The following TACC2 variants were observed in gnomAD, a reference collection of about 807,000 sequenced individuals.
The protein encoded by TACC2 is transforming acidic coiled-coil-containing protein 2.
In TACC2, 137 loss-of-function variants were observed where a neutral mutation model predicts 227.3. The ratio of observed to expected loss-of-function variants is 0.60; its 90% CI spans 0.52 to 0.69. The LOEUF (loss-of-function observed/expected upper bound fraction) is 0.69. TACC2 is among the 30% of genes least tolerant of loss of function. The pLI is 0.00. For missense variants in TACC2, 3,470 were observed against 3,694.4 expected (o/e 0.94, Z 1.57); for synonymous variants, 1,523 against 1,487.5 (o/e 1.02, Z -0.55).
intron 3 of TACC2, among the ~76,000 whole-genome samples, chr10:122,068,958 A>G (rs921310829): frequency 7.1e-6 from 1 of 140,640 alleles, no homozygotes; most frequent in Non-Finnish European, 1.5e-5. Flanking sequence ...TCAGCCTCCC[A>G]AAGTGCTGGC....
At chr10:122,226,677 G>A (rs971643668) in intron 13 of TACC2, among the ~76,000 whole-genome samples, 196 bp downstream of exon 13, 1 of 151,834 alleles carries the variant, frequency 6.6e-6, no homozygotes, top group Non-Finnish European at 1.5e-5. Context: ...GGGCTCAAGG[G>A]CTCCTCTCAC....
chr10:122,226,030 GC>G (rs2095621342), intron 12 of TACC2, among the ~76,000 whole-genome samples: 1 of 152,172 alleles, frequency 6.6e-6, no homozygotes, highest in African/African-American at 2.4e-5. Flanking sequence ...CTGTTTATCT[GC>G]AGTGGCCAGC....
At chr10:122,124,688 C>T (rs974554179) in intron 5 of TACC2, among the ~76,000 whole-genome samples, 1 of 152,134 alleles carries the variant, frequency 6.6e-6, no homozygotes, top group Non-Finnish European at 1.5e-5. Flanking sequence ...CACGCCTTTG[C>T]CCAAGAAGTT....
intron 5 of TACC2, among the ~76,000 whole-genome samples, chr10:122,116,424 A>G (rs1295451372): frequency 6.6e-6 from 1 of 152,214 alleles, no homozygotes; most frequent in Non-Finnish European, 1.5e-5. Flanking sequence ...AGTATTGAGA[A>G]AGCCCAGAAT....
intron 5 of TACC2, among the ~76,000 whole-genome samples, chr10:122,105,719 C>T (rs1296685345): frequency 1.3e-5 from 2 of 151,298 alleles, no homozygotes; most frequent in African/African-American, 2.4e-5. Context: ...TTCCCGGGTT[C>T]GAGCGATTTT....
rs1178929348 is a variant in TACC2, at chr10:122,210,351, A to G, written c.5972-46A>G. On this transcript the variant is annotated intron_variant, in intron 8 of 22. Transcript: ENST00000369005. The surrounding 1 kb of genome is among the most constrained non-coding windows in gnomAD (Gnocchi z 4.6). ...TTGGTACAAGAGGAGAGGTGCCCCAATGCGTCCTGTGTCTGTAATTGATGG... is the reference window on the plus strand; with the variant it reads ...TTGGTACAAGAGGAGAGGTGCCCCAGTGCGTCCTGTGTCTGTAATTGATGG... The G allele has an allele frequency of 5.4e-6, 8 of 1,484,260 alleles. No individual in the cohort carries two copies. The highest frequency in any genetic ancestry group is 2.3e-5 in the South Asian group (2 of 88,098). The allele number at this position is 1,484,260 out of a possible 1,614,324, so 91.9% of individuals were successfully genotyped here.
chr10:122,061,112 A>G (rs1310143641), intron 3 of TACC2, among the ~76,000 whole-genome samples: 4 of 151,000 alleles, frequency 2.6e-5, no homozygotes, highest in Non-Finnish European at 5.9e-5. Flanking sequence ...AATCGAGACC[A>G]TCCTGGCTAA....
At chr10:122,201,042 G>A (rs368449800) in intron 8 of TACC2, among the ~76,000 whole-genome samples, 6 of 142,868 alleles carry the variant, frequency 4.2e-5, no homozygotes, top group East Asian at 2.1e-4. Context: ...CACCTCACCC[G>A]CCCACAGTGG....
intron 5 of TACC2, among the ~76,000 whole-genome samples, chr10:122,095,922 G>T (rs2081333011): frequency 6.6e-6 from 1 of 152,190 alleles, no homozygotes; most frequent in Non-Finnish European, 1.5e-5. Flanking sequence ...ACCCACATGG[G>T]GCTGTGGCTT....
intron 2 of TACC2, chr10:122,022,400 C>G (rs545622555): frequency 6.1e-6 from 1 of 164,356 alleles, no homozygotes; most frequent in African/African-American, 2.4e-5. Context: ...TGCACCACCA[C>G]GCCTGGCTAA....
chr10:122,010,950 C>T (rs571233159), intron 1 of TACC2, among the ~76,000 whole-genome samples: 28 of 152,226 alleles, frequency 1.8e-4, no homozygotes, highest in Middle Eastern at 3.4e-3. Context: ...CCTCATGTGT[C>T]GGTGTTCAGC....
At chr10:122,089,349 A>G (rs1484134614) in intron 5 of TACC2, among the ~76,000 whole-genome samples, 1 of 152,132 alleles carries the variant, frequency 6.6e-6, no homozygotes, top group African/African-American at 2.4e-5. Flanking sequence ...CTTGATGCAA[A>G]TGGGTTCAAT....
At position 122,077,960 on chromosome 10, in the gene TACC2, C is replaced by T. The variant is rs1340871811; in HGVS notation, c.147-4687C>T. On this transcript the variant is annotated intron_variant, in intron 3 of 22. Transcript: ENST00000369005. ...CTGTAATCCCAACACTTTGGGAGGC[C>T]GAGGCGGGCAGATCACCTGAAGTCA... Among the ~76,000 whole-genome samples, 15 of 152,076 alleles carry T rather than the reference C, an allele frequency of 9.9e-5. No individual in the cohort carries two copies. The East Asian group carries it at 1.4e-3, about 14-fold the overall frequency.
In TACC2 at chr10:122,216,844, G is replaced by A. The variant is rs751537684; in HGVS notation, c.7546+16G>A. 6.2e-7 allele frequency: 1 copy of A among 1,614,152 alleles called. No homozygotes were observed. The highest frequency in any genetic ancestry group is 8.5e-7 in the Non-Finnish European group (1 of 1,180,036). ...CCCACTGAGGGTAAGCAACTCTGTAGCCAGCTGGACCCCCACTCTGCCTCG... is the reference window on the plus strand; with the variant it reads ...CCCACTGAGGGTAAGCAACTCTGTAACCAGCTGGACCCCCACTCTGCCTCG... On this transcript the variant is annotated intron_variant, in intron 11 of 22. Transcript: ENST00000369005.
rs556416510 is a variant in TACC2, at chr10:122,036,195, C to CTT, written c.33+14195_33+14196dup. Among the ~76,000 whole-genome samples the CTT allele has an allele frequency of 3.4e-3, 476 of 139,080 alleles. 4 individuals are homozygous for CTT. The highest frequency in any genetic ancestry group is 0.011 in the African/African-American group (394 of 37,204). The allele number at this position is 139,080 out of a possible 152,430, so 91.2% of individuals were successfully genotyped here. A position where few individuals can be genotyped will look rare whatever the true frequency, so the allele number is the denominator to read the frequency against. Reference sequence around the variant, plus strand: ...ATAGACCACATTTTGCTAATCCATTCTTTTTTTTTTTTTTTGAGACGGAGT... The same window carrying CTT: ...ATAGACCACATTTTGCTAATCCATTCTTTTTTTTTTTTTTTTTGAGACGGAGT... On this transcript the variant is annotated intron_variant, in intron 2 of 22. Coordinates refer to ENST00000369005, the MANE Select transcript of TACC2 (RefSeq NM_206862.4).
At chr10:122,069,203 G>A (rs549267202) in intron 3 of TACC2, among the ~76,000 whole-genome samples, 70 of 152,094 alleles carry the variant, frequency 4.6e-4, no homozygotes, top group African/African-American at 1.7e-3. Context: ...TTCAGTGGGG[G>A]CAACAGCAAG....
chr10:121,990,170 G>A (rs1952970471), intron 1 of TACC2, among the ~76,000 whole-genome samples: 1 of 151,430 alleles, frequency 6.6e-6, no homozygotes, highest in African/African-American at 2.4e-5. Context: ...GAGTGCAGTG[G>A]CATAATGATG....
At chr10:122,045,974 C>T in intron 2 of TACC2, among the ~76,000 whole-genome samples, 1 of 46 alleles carries the variant, frequency 0.022, no homozygotes, top group East Asian at 0.25. Context: ...GAGATCGAGA[C>T]CAGCCTGCCA....
intron 2 of TACC2, among the ~76,000 whole-genome samples, chr10:122,027,101 C>T (rs560944776): frequency 6.6e-6 from 1 of 152,302 alleles, no homozygotes; most frequent in African/African-American, 2.4e-5. Context: ...GTTCCTGTTC[C>T]ATATCCTCCC....
Sources: gnomAD v4.1 joint callset for allele counts (sites outside exome capture counted in the v4.1 genomes callset) on GRCh38, gnomAD v4.1.1 for gene constraint, Gnocchi (gnomAD v3.1) non-coding constraint, MANE v1.5 for transcripts, NCBI Gene and HGNC (gene_info 2026-07-23, HGNC 2026-07-21) for gene names.